LRP1B: variants seen among roughly 807,000 people sequenced by gnomAD.
The protein encoded by LRP1B is LDL receptor related protein 1B, also known as low-density lipoprotein receptor-related protein 1B.
In LRP1B, 217 loss-of-function variants were observed where a neutral mutation model predicts 556.6. The observed-to-expected ratio is 0.39, with a 90% CI of 0.35 to 0.44. The LOEUF (loss-of-function observed/expected upper bound fraction) is 0.44, where lower values mean the gene tolerates loss of function less well. Among genes scored for constraint, LRP1B ranks in the 20% least tolerant of loss-of-function variants. The probability of loss-of-function intolerance (pLI) is 1.00; values close to 1 mark genes in which losing one functional copy is unlikely to be tolerated. For synonymous variants in LRP1B, 2,047 were observed against 1,865.8 expected, an observed-to-expected ratio of 1.10 and a Z score of -2.50; for missense variants, 5,053 against 5,620.8, an observed-to-expected ratio of 0.90 and a Z score of 3.23.
intron 41 of LRP1B, among the ~76,000 whole-genome samples, chr2:140,672,482 T>TAAAAAAAAAAAAAAAAAAAGAAAA (rs1685521730): frequency 1.2e-5 from 1 of 81,592 alleles, no homozygotes; most frequent in Non-Finnish European, 2.2e-5. Context: ...AGACTCCATC[T>TAAAAAAAAAAAAAAAAAAAGAAAA]AAAAAAAAAA....
Position 141,001,486 on chromosome 2 carries a change from C to T in LRP1B, c.2503+3849G>A, listed in dbSNP as rs114651387. Among the ~76,000 whole-genome samples, 1,140 of 152,172 alleles carry T rather than the reference C, an allele frequency of 7.5e-3. 17 individuals are homozygous for T. The highest frequency in any genetic ancestry group is 0.025 in the African/African-American group (1,034 of 41,550). ...CCCTCCTCCGTCCCCCACCTCACAA[C>T]AGGCGCCAGTGTGTGATGTTCCCCA... On this transcript the variant is annotated intron_variant, in intron 15 of 90. Transcript: ENST00000389484.
At chr2:141,738,720 G>A (rs994001314) in intron 2 of LRP1B, among the ~76,000 whole-genome samples, 7 of 151,998 alleles carry the variant, frequency 4.6e-5, no homozygotes, top group African/African-American at 1.2e-4. Flanking sequence ...GTGTTTTGTC[G>A]CTTGATAAGC....
chr2:140,399,176 C>CACATACACACACACACACACACACA, intron 66 of LRP1B, among the ~76,000 whole-genome samples: 1 of 151,716 alleles, frequency 6.6e-6, no homozygotes. Context: ...CACACACACA[C>CACATACACACACACACACACACACA]ACACACACAC....
chr2:140,253,918 G>A (rs1300291395), intron 86 of LRP1B, among the ~76,000 whole-genome samples: 1 of 152,128 alleles, frequency 6.6e-6, no homozygotes, highest in East Asian at 1.9e-4. Context: ...CTAGTGGAAA[G>A]CTCCCAAGAT....
At chr2:140,789,320 A>G (rs772916402) in intron 32 of LRP1B, among the ~76,000 whole-genome samples, 1 of 152,054 alleles carries the variant, frequency 6.6e-6, no homozygotes, top group Non-Finnish European at 1.5e-5. Flanking sequence ...GGTGCCTTCC[A>G]TTACCCCTGC....
At chr2:140,495,820 G>A (rs2104875000) in intron 55 of LRP1B, 72 bp from the exon 56 acceptor site, 1 of 1,271,958 alleles carries the variant, frequency 7.9e-7, no homozygotes, top group South Asian at 1.5e-5. Flanking sequence ...TATCTCTTTA[G>A]CATTAAGCAA....
At chr2:140,346,008 C>G (rs916500007) in intron 77 of LRP1B, among the ~76,000 whole-genome samples, 1 of 150,550 alleles carries the variant, frequency 6.6e-6, no homozygotes, top group Non-Finnish European at 1.5e-5. Flanking sequence ...TCCTTTAATA[C>G]ATTTTAAACA....
rs925996238 is a variant in LRP1B at position 141,620,476 on chromosome 2, T to C, written c.206-139943A>G. On this transcript the variant is annotated intron_variant, in intron 2 of 90. Coordinates refer to ENST00000389484, the MANE Select transcript of LRP1B (RefSeq NM_018557.3). ...AACCATGAATTAAATAGAAATGGCA[T>C]GTAGAAGAGGCAATACAGGTTTTAT... Among the ~76,000 whole-genome samples, 135 of 152,346 alleles carry C rather than the reference T, an allele frequency of 8.9e-4. 1 individual carries two copies. The highest frequency in any genetic ancestry group is 3.2e-3 in the African/African-American group (132 of 41,598).
At position 140,867,788 on chromosome 2, in the gene LRP1B, C is replaced by A. The variant is rs2105154235; in HGVS notation, c.4381G>T (p.Glu1461Ter). The A allele has an allele frequency of 1.2e-6, 2 of 1,602,786 alleles. No homozygotes were observed. Among genetic ancestry groups the A allele is most frequent in the Non-Finnish European group, 1.7e-6 (2 of 1,174,014 alleles). Residue 1461 changes from glutamate (E) to a stop codon, truncating the protein, a stop_gained, in exon 27 of 91, where the codon GAA becomes TAA. Transcript: ENST00000389484. LOFTEE classifies it high-confidence loss of function. ...SALYDGTNMI[E>*]IIRGHEYLSH... ...AGGTATTCATGACCTCGGATGATTT[C>A]TATCATGTTTGTTCCATCATAGAGG... is the stretch of plus-strand genomic sequence containing the variant.
intron 3 of LRP1B, among the ~76,000 whole-genome samples, chr2:141,414,198 C>G (rs1178499437): frequency 7.2e-6 from 1 of 138,536 alleles, no homozygotes; most frequent in African/African-American, 2.7e-5. Context: ...GATAGCGCCA[C>G]TGCACTCCAG....
intron 3 of LRP1B, among the ~76,000 whole-genome samples, chr2:141,444,158 T>A (rs4306664): frequency 0.11 from 17,293 of 152,138 alleles, 1,214 homozygotes; most frequent in Non-Finnish European, 0.14. Flanking sequence ...CCCTTGTAAC[T>A]TGTATTCCTG....
chr2:140,993,957 G>GAA, intron 16 of LRP1B, 38 bp downstream of exon 16: 1 of 1,604,156 alleles, frequency 6.2e-7, no homozygotes, highest in Non-Finnish European at 8.5e-7. Flanking sequence ...AAAGACTCAG[G>GAA]AAAATACAAT....
Position 141,947,785 on chromosome 2 carries a change from C to T in LRP1B, c.83-137384G>A, listed in dbSNP as rs146551780. Among the ~76,000 whole-genome samples the T allele has an allele frequency of 2.8e-3, 415 of 145,774 alleles. 1 individual carries two copies. The highest frequency in any genetic ancestry group is 9.7e-3 in the African/African-American group (383 of 39,456). On this transcript the variant is annotated intron_variant, in intron 1 of 90. Transcript: ENST00000389484. The stretch of plus-strand genomic sequence containing the variant: ...ACTTATCTCTAAAATTCTAAAACAT[C>T]GAGGCAAGAAAAATTTTTTTTTAAA...
chr2:140,512,601 T>C (rs902574360), intron 51 of LRP1B, among the ~76,000 whole-genome samples: 3 of 152,186 alleles, frequency 2.0e-5, no homozygotes, highest in African/African-American at 7.2e-5. Flanking sequence ...GAAAATGTAT[T>C]AATTTCTGTG....
intron 5 of LRP1B, among the ~76,000 whole-genome samples, chr2:141,234,089 T>C (rs1324995081): frequency 3.3e-5 from 5 of 152,082 alleles, no homozygotes; most frequent in African/African-American, 1.2e-4. Context: ...GTCAGACTAA[T>C]ATGGTGATAA....
chr2:140,888,667 T>C (rs1272368015), intron 23 of LRP1B, among the ~76,000 whole-genome samples: 2 of 151,826 alleles, frequency 1.3e-5, no homozygotes, highest in Admixed American at 1.3e-4. Context: ...AAAATTGACT[T>C]AAAAAGAAAT....
intron 43 of LRP1B, among the ~76,000 whole-genome samples, chr2:140,566,675 C>T (rs901167853): frequency 4.6e-5 from 7 of 152,154 alleles, no homozygotes; most frequent in South Asian, 2.1e-4. Context: ...TTGCCCACTA[C>T]GCTAAAGCTG....
rs561991532 is a variant in LRP1B at position 141,977,273 on chromosome 2, C to G, written c.82+153375G>C. Among the ~76,000 whole-genome samples, 63 of 152,112 alleles carry G rather than the reference C, an allele frequency of 4.1e-4. No individual in the cohort carries two copies. In the South Asian group the frequency reaches 0.011, roughly 26 times the overall value. On this transcript the variant is annotated intron_variant, in intron 1 of 90. Transcript: ENST00000389484. ...AGCATCTATAATCCAGATCGCTAAA[C>G]CATTATACTGAAAGGCCACTGGGCA...
At chr2:141,925,340 T>C (rs1302658957) in intron 1 of LRP1B, among the ~76,000 whole-genome samples, 8 of 152,174 alleles carry the variant, frequency 5.3e-5, no homozygotes, top group African/African-American at 1.9e-4. Flanking sequence ...AATATTGTGT[T>C]CTCTATTATA....
Sources: allele counts gnomAD v4.1 joint callset (sites outside exome capture counted in the v4.1 genomes callset), GRCh38; gene constraint gnomAD v4.1.1; transcripts MANE v1.5; gene names NCBI Gene and HGNC (gene_info 2026-07-23, HGNC 2026-07-21).